Variants in EPB41L3 observed in about 807,000 individuals in gnomAD.
EPB41L3 encodes the protein erythrocyte membrane protein band 4.1 like 3.
Under a neutral mutation model 127.1 loss-of-function variants are expected in EPB41L3, and 57 were observed. That is an observed-to-expected ratio of 0.45 (90% CI 0.36 to 0.56). The LOEUF (loss-of-function observed/expected upper bound fraction) is 0.56, where lower values mean the gene tolerates loss of function less well. EPB41L3 is among the 20% of genes least tolerant of loss of function. EPB41L3 has a pLI of 0.00. For missense variants in EPB41L3, 1,273 were observed against 1,372.2 expected, an observed-to-expected ratio of 0.93 and a Z score of 1.14; for synonymous variants, 572 against 549.5, an observed-to-expected ratio of 1.04 and a Z score of -0.57.
In EPB41L3 at chr18:5,419,774, T is replaced by A; in HGVS notation, c.1443A>T (p.Glu481Asp). 6.2e-7 allele frequency: 1 copy of A among 1,614,188 alleles called. No homozygotes were observed. The highest frequency in any genetic ancestry group is 8.5e-7 in the Non-Finnish European group (1 of 1,180,038). ...EKKAEEERDE[E>D]EDKRRKGEEV... Reference sequence around the variant, plus strand: ...CTTCCCCCTTCCTCCGTTTGTCCTCTTCCTCGTCCCGCTCCTCCTCAGCCT... The same window carrying A: ...CTTCCCCCTTCCTCCGTTTGTCCTCATCCTCGTCCCGCTCCTCCTCAGCCT... Residue 481 changes from glutamate to aspartate, a missense_variant, in exon 12 of 23, where the codon GAA (glutamate) becomes GAT (aspartate). Coordinates refer to ENST00000341928, the MANE Select transcript of EPB41L3 (RefSeq NM_012307.5).
At chr18:5,493,245 G>C (rs1365747693) in intron 1 of EPB41L3, among the ~76,000 whole-genome samples, 1 of 152,194 alleles carries the variant, frequency 6.6e-6, no homozygotes, top group East Asian at 1.9e-4. Flanking sequence ...TAAAGATTTA[G>C]TGAAGGAAAA....
At chr18:5,398,994 G>A (rs992191989) in intron 16 of EPB41L3, 8 of 399,036 alleles carry the variant, frequency 2.0e-5, no homozygotes, top group African/African-American at 6.2e-5. Flanking sequence ...ATCAGCGAGG[G>A]TTTCCAGGAC....
chr18:5,625,493 G>T (rs879259046), intron 1 of EPB41L3, among the ~76,000 whole-genome samples: 3 of 152,214 alleles, frequency 2.0e-5, no homozygotes, highest in African/African-American at 4.8e-5. Flanking sequence ...GGTAAGGGAG[G>T]AAAGTATGAA....
chr18:5,482,572 T>C (rs954826261), intron 2 of EPB41L3, among the ~76,000 whole-genome samples: 1 of 151,756 alleles, frequency 6.6e-6, no homozygotes, highest in Non-Finnish European at 1.5e-5. Context: ...CTCTCAAAGC[T>C]CAAGAACAAA....
At chr18:5,512,556 G>T (rs2092577635) in intron 1 of EPB41L3, among the ~76,000 whole-genome samples, 1 of 152,132 alleles carries the variant, frequency 6.6e-6, no homozygotes, top group South Asian at 2.1e-4. Flanking sequence ...GTAGATTGGT[G>T]TTTCAGACAC....
At chr18:5,584,935 T>C (rs1201258506) in intron 3 of EPB41L3, among the ~76,000 whole-genome samples, 3 of 152,184 alleles carry the variant, frequency 2.0e-5, no homozygotes, top group African/African-American at 4.8e-5. Context: ...GAAAATTGGA[T>C]TGCAGGACTG....
intron 3 of EPB41L3, among the ~76,000 whole-genome samples, chr18:5,594,344 C>T (rs1288538016): frequency 5.9e-5 from 9 of 152,190 alleles, no homozygotes; most frequent in Admixed American, 5.9e-4. Flanking sequence ...ACCATTGGTA[C>T]ATTACCAATC....
intron 1 of EPB41L3, among the ~76,000 whole-genome samples, chr18:5,509,746 G>C (rs1402358387): frequency 3.9e-5 from 6 of 152,168 alleles, no homozygotes; most frequent in African/African-American, 1.4e-4. Flanking sequence ...TTCACTCATT[G>C]AATCTATCAT....
intron 3 of EPB41L3, among the ~76,000 whole-genome samples, chr18:5,582,841 G>T (rs910270997): frequency 6.6e-6 from 1 of 152,236 alleles, no homozygotes; most frequent in African/African-American, 2.4e-5. Context: ...CTGTCACATA[G>T]TGTCAGTGCA....
At chr18:5,467,714 T>C (rs974227893) in intron 3 of EPB41L3, 1 of 152,222 alleles carries the variant, frequency 6.6e-6, no homozygotes, top group African/African-American at 2.4e-5. Flanking sequence ...AATCAGAAAC[T>C]TAATTTTCTC....
chr18:5,488,501 C>T (rs2090147958), intron 2 of EPB41L3, among the ~76,000 whole-genome samples: 1 of 151,550 alleles, frequency 6.6e-6, no homozygotes, highest in Non-Finnish European at 1.5e-5. Context: ...CACCATGGCA[C>T]GTGTATACCT....
intron 16 of EPB41L3, 102 bp downstream of exon 16, chr18:5,406,675 G>A: frequency 1.9e-6 from 2 of 1,065,304 alleles, no homozygotes; most frequent in Non-Finnish European, 2.7e-6. Context: ...GGTAGGAAGA[G>A]AGATTTTCTA....
At position 5,445,232 on chromosome 18, in the gene EPB41L3, CTCT is replaced by C. The variant is rs2081306243; in HGVS notation, c.391_393del (p.Arg131del). On this transcript the variant is annotated inframe_deletion, in exon 4 of 23. Coordinates refer to ENST00000341928, the MANE Select transcript of EPB41L3 (RefSeq NM_012307.5). ...CACACTTTATCAAACAGCACTTGTCCTCTGGAGCGTTTCTACAGAAAACAGAAT... is the reference window on the plus strand; with the variant it reads ...CACACTTTATCAAACAGCACTTGTCCGGAGCGTTTCTACAGAAAACAGAAT... 1 of 1,613,624 alleles carries C rather than the reference CTCT, an allele frequency of 6.2e-7. No individual in the cohort carries two copies. The highest frequency in any genetic ancestry group is 1.3e-5 in the African/African-American group (1 of 74,924).
chr18:5,406,687 CCAGAAGA>C, intron 16 of EPB41L3, 83 bp downstream of exon 16: 2 of 1,200,938 alleles, frequency 1.7e-6, no homozygotes, highest in Non-Finnish European at 1.2e-6. Context: ...GATTTTCTAC[CCAGAAGA>C]CTGTCAAATG....
At chr18:5,395,191 GA>G (rs780992773) in intron 20 of EPB41L3, 44 bp from the exon 21 acceptor site, 71 of 1,543,596 alleles carry the variant, frequency 4.6e-5, no homozygotes, top group Admixed American at 6.7e-5. Context: ...CTCACTGGGA[GA>G]AACCATCATG....
chr18:5,575,052 G>C (rs1015171280), intron 3 of EPB41L3, among the ~76,000 whole-genome samples: 13 of 152,114 alleles, frequency 8.5e-5, no homozygotes, highest in African/African-American at 3.1e-4. Flanking sequence ...ATGAGCATGT[G>C]CCCACTACTA....
At chr18:5,610,062 C>T (rs1265563290) in intron 3 of EPB41L3, 16 of 979,384 alleles carry the variant, frequency 1.6e-5, no homozygotes, top group Non-Finnish European at 1.8e-5. Flanking sequence ...AGATAGTTTC[C>T]CATCAAACGA....
intron 3 of EPB41L3, among the ~76,000 whole-genome samples, chr18:5,569,683 C>T (rs1484198771): frequency 6.6e-6 from 1 of 152,238 alleles, no homozygotes; most frequent in Non-Finnish European, 1.5e-5. Context: ...TCTACAGCTA[C>T]TTCTCCATGC....
intron 3 of EPB41L3, among the ~76,000 whole-genome samples, chr18:5,600,064 G>A (rs976563348): frequency 3.3e-5 from 5 of 152,042 alleles, no homozygotes; most frequent in Admixed American, 6.6e-5. Flanking sequence ...TGAATCTTAA[G>A]GCTGGATTCA....
Sources: allele counts gnomAD v4.1 joint callset (sites outside exome capture counted in the v4.1 genomes callset), GRCh38; gene constraint gnomAD v4.1.1; transcripts MANE v1.5; gene names NCBI Gene and HGNC (gene_info 2026-07-23, HGNC 2026-07-21).